Variants in NRG3 observed in about 807,000 individuals in gnomAD.
NRG3 encodes neuregulin 3.
A neutral mutation model predicts 66.9 loss-of-function variants in NRG3; 31 were observed. The observed-to-expected ratio is 0.46, with a 90% CI of 0.35 to 0.63. NRG3 has a LOEUF of 0.63. Ranked by LOEUF, NRG3 falls within the 20% of genes least tolerant of loss-of-function variation. The pLI is 0.00. For synonymous variants in NRG3, 393 were observed against 359.4 expected (o/e 1.09, Z -1.06); for missense variants, 910 against 878.9 (o/e 1.04, Z -0.45).
intron 3 of NRG3, among the ~76,000 whole-genome samples, chr10:82,750,941 A>T (rs1445803975): frequency 6.6e-6 from 1 of 152,188 alleles, no homozygotes; most frequent in African/African-American, 2.4e-5. Flanking sequence ...ATGTCAAAAG[A>T]TGGATGCATA....
intron 2 of NRG3, among the ~76,000 whole-genome samples, chr10:82,613,282 G>A (rs984799343): frequency 1.6e-4 from 25 of 151,956 alleles, no homozygotes; most frequent in African/African-American, 6.0e-4. Context: ...TACTCATGTA[G>A]TTCTTCATAT....
intron 1 of NRG3, among the ~76,000 whole-genome samples, chr10:82,047,738 T>C (rs2063376285): frequency 6.6e-6 from 1 of 151,176 alleles, no homozygotes; most frequent in African/African-American, 2.4e-5. Context: ...AGGTTCAAAT[T>C]CACACATAAC....
At chr10:82,145,933 TCAGTGAAC>T (rs1411621667) in intron 1 of NRG3, among the ~76,000 whole-genome samples, 1 of 151,968 alleles carries the variant, frequency 6.6e-6, no homozygotes, top group Non-Finnish European at 1.5e-5. Context: ...GCCTAGAAGG[TCAGTGAAC>T]CATACAGAAC....
intron 2 of NRG3, among the ~76,000 whole-genome samples, chr10:82,598,758 G>A (rs1276505793): frequency 6.6e-6 from 1 of 152,120 alleles, no homozygotes; most frequent in Non-Finnish European, 1.5e-5. Context: ...AGTTGAAAAT[G>A]ATGAGAAGAG....
chr10:82,364,440 CA>C (rs1265003023), intron 2 of NRG3, among the ~76,000 whole-genome samples: 2 of 152,104 alleles, frequency 1.3e-5, no homozygotes, highest in Non-Finnish European at 1.5e-5. Context: ...CACTTTGAAT[CA>C]AAATATTCTG....
chr10:82,829,169 A>G (rs2062390860), intron 3 of NRG3, among the ~76,000 whole-genome samples: 1 of 152,138 alleles, frequency 6.6e-6, no homozygotes, highest in South Asian at 2.1e-4. Flanking sequence ...TTGGATACAA[A>G]GTCTTACACA....
chr10:82,613,860 CCA>C (rs1429594339), intron 2 of NRG3, among the ~76,000 whole-genome samples: 1 of 125,026 alleles, frequency 8.0e-6, no homozygotes, highest in Non-Finnish European at 1.6e-5. Context: ...ACAACAGTCC[CCA>C]GAGTGTGATG....
At position 82,971,015 on chromosome 10, in the gene NRG3, G is replaced by T. The variant is rs747435109; in HGVS notation, c.1285-2773G>T. On this transcript the variant is annotated intron_variant, in intron 6 of 8. Transcript: ENST00000372141. The stretch of plus-strand genomic sequence containing the variant: ...CTGCTTCTGGTGAGCATTTCAGGAG[G>T]CTTCTGCTCATGGCGGAAGGGAAAG... Among the ~76,000 whole-genome samples the T allele has an allele frequency of 8.5e-5, 13 of 152,156 alleles. 1 individual carries two copies. The highest frequency in any genetic ancestry group is 1.6e-4 in the Non-Finnish European group (11 of 68,026).
intron 1 of NRG3, among the ~76,000 whole-genome samples, chr10:82,244,116 C>G (rs2077127079): frequency 6.6e-6 from 1 of 152,144 alleles, no homozygotes; most frequent in Admixed American, 6.5e-5. Context: ...GGCATTTTAC[C>G]TAAAAGTCTA....
chr10:82,808,782 C>T (rs2061384915), intron 3 of NRG3, among the ~76,000 whole-genome samples: 1 of 152,006 alleles, frequency 6.6e-6, no homozygotes, highest in South Asian at 2.1e-4. Context: ...GTTTTTTCAC[C>T]TGTCCTGGGA....
chr10:81,946,179 G>T (rs969063769), intron 1 of NRG3, among the ~76,000 whole-genome samples: 6 of 152,056 alleles, frequency 3.9e-5, no homozygotes, highest in African/African-American at 1.4e-4. Context: ...ACTACGCCCA[G>T]CTAAATTTTG....
intron 1 of NRG3, among the ~76,000 whole-genome samples, chr10:82,127,724 C>G (rs1164503345): frequency 6.6e-6 from 1 of 151,918 alleles, no homozygotes; most frequent in Non-Finnish European, 1.5e-5. Flanking sequence ...AAACCCCAGT[C>G]TGCCCCAGGG....
rs115500954 is a variant in NRG3, at chr10:81,900,841, A to G, written c.823+24678A>G. ...GCAGAAATATAGCCAAAATACTGGCATATTTTCAGTTAGCAATATAATAGT... is the reference window on the plus strand; with the variant it reads ...GCAGAAATATAGCCAAAATACTGGCGTATTTTCAGTTAGCAATATAATAGT... On this transcript the variant is annotated intron_variant, in intron 1 of 8. Coordinates refer to ENST00000372141, the MANE Select transcript of NRG3 (RefSeq NM_001010848.4). Among the ~76,000 whole-genome samples the G allele has an allele frequency of 5.9e-3, 901 of 152,342 alleles. 6 individuals are homozygous for G. The highest frequency in any genetic ancestry group is 0.015 in the African/African-American group (643 of 41,574).
intron 1 of NRG3, among the ~76,000 whole-genome samples, chr10:82,172,519 A>G (rs2072708475): frequency 6.6e-6 from 1 of 152,148 alleles, no homozygotes; most frequent in African/African-American, 2.4e-5. Context: ...CAAGAAATCT[A>G]CGCTTAAATC....
intron 2 of NRG3, among the ~76,000 whole-genome samples, chr10:82,428,230 C>G (rs2089573885): frequency 6.6e-6 from 1 of 151,570 alleles, no homozygotes; most frequent in Admixed American, 6.6e-5. Context: ...TTTTCTTCTG[C>G]TTATTTAGTT....
chr10:82,292,775 A>G (rs1255534256), intron 1 of NRG3, among the ~76,000 whole-genome samples: 2 of 152,228 alleles, frequency 1.3e-5, no homozygotes, highest in African/African-American at 4.8e-5. Context: ...CATTTATATA[A>G]CGTTCTTGAA....
At chr10:82,743,865 A>G (rs982242941) in intron 3 of NRG3, among the ~76,000 whole-genome samples, 5 of 152,204 alleles carry the variant, frequency 3.3e-5, no homozygotes, top group Admixed American at 1.3e-4. Flanking sequence ...TGCCTTTCTC[A>G]ATTGTATTTA....
intron 2 of NRG3, among the ~76,000 whole-genome samples, chr10:82,364,777 C>T (rs1295008579): frequency 2.6e-5 from 4 of 152,130 alleles, no homozygotes; most frequent in Admixed American, 1.3e-4. Flanking sequence ...CCAAGCAATT[C>T]GCTTGAAGAT....
At chr10:81,922,365 A>G (rs548709491) in intron 1 of NRG3, among the ~76,000 whole-genome samples, 3 of 152,314 alleles carry the variant, frequency 2.0e-5, no homozygotes, top group South Asian at 2.1e-4. Flanking sequence ...CTTGAATAGT[A>G]TACATTGTAC....
Sources: allele counts gnomAD v4.1 joint callset (sites outside exome capture counted in the v4.1 genomes callset), GRCh38; gene constraint gnomAD v4.1.1; transcripts MANE v1.5; gene names NCBI Gene and HGNC (gene_info 2026-07-23, HGNC 2026-07-21).